The following MAPKBP1 variants were observed in gnomAD, a reference collection of about 807,000 sequenced individuals.
MAPKBP1 encodes the protein mitogen-activated protein kinase binding protein 1.
Under a neutral mutation model 170.5 loss-of-function variants are expected in MAPKBP1, and 71 were observed. The observed-to-expected ratio is 0.42, with a 90% CI of 0.34 to 0.51. The LOEUF (loss-of-function observed/expected upper bound fraction) is 0.51, where lower values mean the gene tolerates loss of function less well. Ranked by LOEUF, MAPKBP1 falls within the 20% of genes least tolerant of loss-of-function variation. The probability of loss-of-function intolerance (pLI) is 0.06; values close to 1 mark genes in which losing one functional copy is unlikely to be tolerated. For synonymous variants in MAPKBP1, 719 were observed against 757.9 expected (o/e 0.95, Z 0.84); for missense variants, 1,598 against 1,933.0 (o/e 0.83, Z 3.25).
In MAPKBP1 at chr15:41,796,606, C is replaced by G. The variant is rs529252330; in HGVS notation, c.115-3217C>G. 1.9e-4 allele frequency among the ~76,000 whole-genome samples: 28 copies of G among 150,990 alleles called. No individual in the cohort carries two copies. In the South Asian group the frequency reaches 2.7e-3, roughly 15 times the overall value. On this transcript the variant is annotated intron_variant, in intron 2 of 30. Coordinates refer to ENST00000457542, the MANE Select transcript of MAPKBP1 (RefSeq NM_014994.3). ...CACAGAGCCAAAGGAAACTGCTTTT[C>G]CCCCCCCTTGGATAGCTGCTTAGAA...
chr15:41,780,537 G>A (rs2064168257), intron 2 of MAPKBP1, among the ~76,000 whole-genome samples: 1 of 152,182 alleles, frequency 6.6e-6, no homozygotes, highest in Non-Finnish European at 1.5e-5. Flanking sequence ...AAGAAATAAA[G>A]CTACAGTGTT....
chr15:41,811,501 A>G (rs1457231304), intron 5 of MAPKBP1: 2 of 680,374 alleles, frequency 2.9e-6, no homozygotes, highest in East Asian at 2.8e-5. Flanking sequence ...GTGCATTTGT[A>G]ACAAGTTCCC....
At chr15:41,784,780 C>CAAAAA (rs35050206) in intron 2 of MAPKBP1, among the ~76,000 whole-genome samples, 1 of 94,862 alleles carries the variant, frequency 1.1e-5, no homozygotes, top group East Asian at 2.8e-4. Context: ...GACTCCGTCT[C>CAAAAA]AAAAAAAAAA....
intron 2 of MAPKBP1, among the ~76,000 whole-genome samples, chr15:41,799,404 G>C (rs1437714460): frequency 6.6e-6 from 1 of 152,182 alleles, no homozygotes; most frequent in Non-Finnish European, 1.5e-5. Flanking sequence ...GTAGGTCAGA[G>C]TGGCCTTTCC....
intron 2 of MAPKBP1, among the ~76,000 whole-genome samples, chr15:41,785,400 A>G (rs769928464): frequency 1.4e-4 from 22 of 152,270 alleles, no homozygotes; most frequent in Non-Finnish European, 2.1e-4. Context: ...GACTATGACT[A>G]TGATTTTGGG....
At chr15:41,802,648 A>G (rs2064617264) in intron 3 of MAPKBP1, among the ~76,000 whole-genome samples, 1 of 152,022 alleles carries the variant, frequency 6.6e-6, no homozygotes, top group Non-Finnish European at 1.5e-5. Context: ...TAATTTTTGT[A>G]TTTTTAGTAG....
intron 21 of MAPKBP1, 44 bp from the exon 22 acceptor site, chr15:41,819,551 G>GGGT: frequency 4.0e-6 from 6 of 1,515,396 alleles, no homozygotes; most frequent in East Asian, 2.2e-5. Context: ...GGGTGGCGGG[G>GGGT]GGGGGGCAGG....
At chr15:41,815,101 T>C (rs897008526) in intron 10 of MAPKBP1, among the ~76,000 whole-genome samples, 158 bp from the exon 11 acceptor site, 49 of 152,200 alleles carry the variant, frequency 3.2e-4, no homozygotes, top group African/African-American at 1.1e-3. Flanking sequence ...CCCTTGGTCA[T>C]GTTGAAGGGT....
Position 41,818,649 on chromosome 15 carries a change from T to C in MAPKBP1, c.2156+67T>C, listed in dbSNP as rs184898601. ...TGCCACAGCACCCTGCCCTCCCCTC[T>C]CTCCATTTCAGTGATGTCTCTGGGA... On this transcript the variant is annotated intron_variant, in intron 19 of 30. Coordinates refer to ENST00000457542, the MANE Select transcript of MAPKBP1 (RefSeq NM_014994.3). This position sits in a 1 kb window ranked among gnomAD's most constrained non-coding sequence, Gnocchi z 5.2. The C allele has an allele frequency of 2.3e-4, 346 of 1,535,298 alleles. No homozygotes were observed. The highest frequency in any genetic ancestry group is 9.7e-4 in the Admixed American group (54 of 55,654).
At chr15:41,783,883 C>T (rs2064233496) in intron 2 of MAPKBP1, among the ~76,000 whole-genome samples, 1 of 152,172 alleles carries the variant, frequency 6.6e-6, no homozygotes, top group South Asian at 2.1e-4. Flanking sequence ...GTCGCGGGTG[C>T]CTGTAGCCCC....
intron 2 of MAPKBP1, among the ~76,000 whole-genome samples, chr15:41,779,924 C>T (rs1302926926): frequency 6.6e-6 from 1 of 152,184 alleles, no homozygotes; most frequent in Non-Finnish European, 1.5e-5. Flanking sequence ...TCAATGTTCT[C>T]CTAGTTTTGT....
At chr15:41,807,586 G>A (rs1184620379) in intron 3 of MAPKBP1, among the ~76,000 whole-genome samples, 1 of 152,116 alleles carries the variant, frequency 6.6e-6, no homozygotes, top group Non-Finnish European at 1.5e-5. Flanking sequence ...GCCTTTGCTG[G>A]AGAGAGGAGT....
chr15:41,817,099 C>T lies in MAPKBP1; in HGVS notation c.1711+64C>T. The T allele has an allele frequency of 1.3e-6, 2 of 1,530,996 alleles. No homozygotes were observed. The highest frequency in any genetic ancestry group is 1.3e-5 in the South Asian group (1 of 78,108). The allele number at this position is 1,530,996 out of a possible 1,614,324, so 94.8% of individuals were successfully genotyped here. ...ACCCCTGCTGCCATCTGCCTCCCAC[C>T]TCCATGAGAAGGGTCTGCCCATTGT... On this transcript the variant is annotated intron_variant, in intron 14 of 30. Transcript: ENST00000457542. The surrounding 1 kb of genome is among the most constrained non-coding windows in gnomAD (Gnocchi z 4.2).
In MAPKBP1 at chr15:41,817,863, T is replaced by G; in HGVS notation, c.1904+128T>G. The G allele has an allele frequency of 6.4e-7, 1 of 1,552,258 alleles. No individual in the cohort carries two copies. The highest frequency in any genetic ancestry group is 1.7e-4 in the Middle Eastern group (1 of 5,906). ...GTACCCCCTTGAGCCTACAGTACTT[T>G]GCTTCACCCAAGAGGTGGTAGCCTG... is the stretch of plus-strand genomic sequence containing the variant. On this transcript the variant is annotated intron_variant, in intron 16 of 30. Coordinates refer to ENST00000457542, the MANE Select transcript of MAPKBP1 (RefSeq NM_014994.3). The surrounding 1 kb of genome is among the most constrained non-coding windows in gnomAD (Gnocchi z 4.2).
At chr15:41,816,276 ATAG>A in intron 12 of MAPKBP1, 1 of 457,594 alleles carries the variant, frequency 2.2e-6, no homozygotes, top group East Asian at 3.5e-5. Context: ...GAAAAAGGAC[ATAG>A]TAGGAAAACT....
chr15:41,786,777 A>AAAAATATATATATATATAT lies in MAPKBP1; in HGVS notation c.114+11389_114+11390insAAATATATATATATATATA. 1.6e-3 allele frequency among the ~76,000 whole-genome samples: 53 copies of AAAAATATATATATATATAT among 32,392 alleles called. 2 individuals are homozygous for AAAAATATATATATATATAT. Among genetic ancestry groups the AAAAATATATATATATATAT allele is most frequent in the African/African-American group, 4.2e-3 (32 of 7,592 alleles). The allele number at this position is 32,392 out of a possible 152,430, so 21.3% of individuals were successfully genotyped here. A position where few individuals can be genotyped will look rare whatever the true frequency, so the allele number is the denominator to read the frequency against. Reference sequence around the variant, plus strand: ...CAGACTCCGTCTAAAAAAAAAAAAAAATATATATATATATATATATATATA... The same window carrying AAAAATATATATATATATAT: ...CAGACTCCGTCTAAAAAAAAAAAAAAAAAATATATATATATATATATATATATATATATATATATATATA... On this transcript the variant is annotated intron_variant, in intron 2 of 30. Transcript: ENST00000457542.
At chr15:41,819,556 G>GGGGT (rs151281998) in intron 21 of MAPKBP1, 39 bp from the exon 22 acceptor site, 41 of 1,347,540 alleles carry the variant, frequency 3.0e-5, no homozygotes, top group Non-Finnish European at 4.0e-5. Context: ...GCGGGGGGGG[G>GGGGT]GCAGGAGACA....
In MAPKBP1 at chr15:41,812,569, C is replaced by G. The variant is rs1185059496; in HGVS notation, c.552C>G (p.Ser184=). ...NKVSSRVTAV[S]FSEDCSYFVT... is the part of the protein sequence containing the mutation. ...TGTCCAGTCGGGTGACAGCAGTGTC[C>G]TTCTCTGAGGATTGCAGCTACTTTG... is the stretch of plus-strand genomic sequence containing the variant. Residue 184 remains serine, a synonymous_variant, in exon 7 of 31, where the codon TCC becomes TCG. Transcript: ENST00000457542. 6.2e-7 allele frequency: 1 copy of G among 1,614,158 alleles called. No homozygotes were observed.
At position 41,823,735 on chromosome 15, in the gene MAPKBP1, A is replaced by T; in HGVS notation, c.3887A>T (p.Lys1296Ile). Residue 1296 changes from lysine (K) to isoleucine (I), a missense_variant, in exon 29 of 31, where the codon AAA becomes ATA. By Grantham distance (102) the Lys-to-Ile change is moderately radical. Coordinates refer to ENST00000457542, the MANE Select transcript of MAPKBP1 (RefSeq NM_014994.3). ...GCTCACCTGGTCCTGGACATCCCCA[A>T]ACCACTGCCTGACCGTCCTACCCTG... ...SRAHLVLDIPKPLPDRPTLAA... is the reference protein window; with the variant it reads ...SRAHLVLDIPIPLPDRPTLAA... The T allele has an allele frequency of 6.2e-7, 1 of 1,613,996 alleles. No individual in the cohort carries two copies. Among genetic ancestry groups the T allele is most frequent in the Non-Finnish European group, 8.5e-7 (1 of 1,179,966 alleles).
Sources: gnomAD v4.1 joint callset for allele counts (sites outside exome capture counted in the v4.1 genomes callset) on GRCh38, gnomAD v4.1.1 for gene constraint, Gnocchi (gnomAD v3.1) non-coding constraint, MANE v1.5 for transcripts, NCBI Gene and HGNC (gene_info 2026-07-23, HGNC 2026-07-21) for gene names.